The following COL8A1 variants were observed in gnomAD, a reference collection of about 807,000 sequenced individuals.
COL8A1 encodes collagen type VIII alpha 1 chain.
In COL8A1, 21 loss-of-function variants were observed where a neutral mutation model predicts 42.7. That is an observed-to-expected ratio of 0.49 (90% confidence interval 0.35 to 0.71). The LOEUF is 0.71. COL8A1 is among the 30% of genes least tolerant of loss of function. The probability of loss-of-function intolerance (pLI) is 0.01; values close to 1 mark genes in which losing one functional copy is unlikely to be tolerated. For synonymous variants in COL8A1, 367 were observed against 369.1 expected (o/e 0.99, Z 0.06); for missense variants, 788 against 962.4 (o/e 0.82, Z 2.40).
intron 2 of COL8A1, among the ~76,000 whole-genome samples, chr3:99,759,537 G>T (rs1344135471): frequency 1.3e-5 from 2 of 152,096 alleles, no homozygotes; most frequent in African/African-American, 4.8e-5. Flanking sequence ...TCAATATTTT[G>T]CTTGAAATGA....
At position 99,734,148 on chromosome 3, in the gene COL8A1, G is replaced by C. The variant is rs570601799; in HGVS notation, c.-128-10749G>C. Among the ~76,000 whole-genome samples the C allele has an allele frequency of 2.0e-5, 3 of 151,082 alleles. No homozygotes were observed. In the South Asian group the frequency reaches 6.3e-4, roughly 32 times the overall value. Reference sequence around the variant, plus strand: ...TCTTTTGCTGTGCAGAAGCTCTTTAGTTTAATTAGATCCCATTTGTCAATT... The same window carrying C: ...TCTTTTGCTGTGCAGAAGCTCTTTACTTTAATTAGATCCCATTTGTCAATT... On this transcript the variant is annotated intron_variant, in intron 1 of 3. Coordinates refer to ENST00000652472, the MANE Select transcript of COL8A1 (RefSeq NM_020351.4).
At chr3:99,707,651 C>T (rs746875461) in intron 1 of COL8A1, among the ~76,000 whole-genome samples, 5 of 152,164 alleles carry the variant, frequency 3.3e-5, no homozygotes, top group Admixed American at 6.5e-5. Flanking sequence ...ATTGGGCCCA[C>T]GCCCTGCCGA....
chr3:99,787,721 A>G (rs920207331), intron 2 of COL8A1, among the ~76,000 whole-genome samples: 9 of 152,226 alleles, frequency 5.9e-5, no homozygotes, highest in Non-Finnish European at 8.8e-5. Flanking sequence ...TGGCAGAGCC[A>G]AAACTTAAAT....
At chr3:99,751,171 A>G (rs1941141063) in intron 2 of COL8A1, among the ~76,000 whole-genome samples, 2 of 152,224 alleles carry the variant, frequency 1.3e-5, no homozygotes, top group Admixed American at 1.3e-4. Context: ...TCATTAAATC[A>G]TAAATCCACA....
At chr3:99,657,432 G>C (rs896947261) in intron 1 of COL8A1, among the ~76,000 whole-genome samples, 1 of 152,120 alleles carries the variant, frequency 6.6e-6, no homozygotes, top group African/African-American at 2.4e-5. Flanking sequence ...TAATAGTATT[G>C]TTACATTTCT....
At chr3:99,707,392 A>C (rs1939710066) in intron 1 of COL8A1, among the ~76,000 whole-genome samples, 1 of 152,278 alleles carries the variant, frequency 6.6e-6, no homozygotes, top group South Asian at 2.1e-4. Context: ...CTCACATCCA[A>C]CTAAAGAGCT....
chr3:99,654,292 T>A (rs919684645), intron 1 of COL8A1, among the ~76,000 whole-genome samples: 2 of 152,032 alleles, frequency 1.3e-5, no homozygotes, highest in Non-Finnish European at 1.5e-5. Context: ...CAAATGTTAA[T>A]CTCCTTTGGC....
intron 2 of COL8A1, among the ~76,000 whole-genome samples, chr3:99,762,571 G>T (rs1006294969): frequency 6.6e-6 from 1 of 152,146 alleles, no homozygotes; most frequent in Admixed American, 6.5e-5. Context: ...GACCACAACA[G>T]ATTTCACAGC....
intron 2 of COL8A1, among the ~76,000 whole-genome samples, chr3:99,787,870 A>ACACACACACC (rs1553682948): frequency 6.6e-6 from 1 of 151,316 alleles, no homozygotes; most frequent in Non-Finnish European, 1.5e-5. Context: ...ACACACACAC[A>ACACACACACC]CACACCCACA....
intron 1 of COL8A1, among the ~76,000 whole-genome samples, chr3:99,728,734 T>A (rs890655002): frequency 1.3e-5 from 2 of 151,986 alleles, no homozygotes; most frequent in African/African-American, 4.8e-5. Context: ...TATGAATGGA[T>A]CATCATGTAA....
chr3:99,696,692 C>T (rs6805314), intron 1 of COL8A1, among the ~76,000 whole-genome samples: 57 of 152,266 alleles, frequency 3.7e-4, no homozygotes, highest in Non-Finnish European at 7.1e-4. Context: ...CATCAGTCCC[C>T]GGGGTTACGC....
Position 99,795,726 on chromosome 3 carries a change from G to A in COL8A1, c.1825G>A (p.Gly609Arg), listed in dbSNP as rs868374775. The A allele has an allele frequency of 4.3e-6, 7 of 1,614,004 alleles. No homozygotes were observed. Among genetic ancestry groups the A allele is most frequent in the Non-Finnish European group, 5.9e-6 (7 of 1,180,014 alleles). The stretch of plus-strand genomic sequence containing the variant: ...CTACGGGGCTAAGAAAGGCAAGAAT[G>A]GAGGGCCAGCCTATGAGATGCCTGC... ...HAYGAKKGKN[G>R]GPAYEMPAFT... is the part of the protein sequence containing the mutation. Residue 609 changes from glycine (G) to arginine (R), a missense_variant, in exon 4 of 4, where the codon GGA (glycine) becomes AGA (arginine). By Grantham distance (125) the Gly-to-Arg change is moderately radical. Coordinates refer to ENST00000652472, the MANE Select transcript of COL8A1 (RefSeq NM_020351.4).
chr3:99,717,894 T>C (rs192085922), intron 1 of COL8A1, among the ~76,000 whole-genome samples: 10 of 152,200 alleles, frequency 6.6e-5, no homozygotes, highest in Admixed American at 6.6e-4. Flanking sequence ...TTCTTCTTGC[T>C]ATTCAAGGTT....
At chr3:99,668,395 CTTTT>C (rs1292571084) in intron 1 of COL8A1, among the ~76,000 whole-genome samples, 2 of 152,110 alleles carry the variant, frequency 1.3e-5, no homozygotes, top group African/African-American at 4.8e-5. Flanking sequence ...TTGGGGATTT[CTTTT>C]AAGTAAAGTC....
At chr3:99,723,647 T>A (rs1940219891) in intron 1 of COL8A1, among the ~76,000 whole-genome samples, 1 of 152,166 alleles carries the variant, frequency 6.6e-6, no homozygotes, top group Non-Finnish European at 1.5e-5. Context: ...ACAATTTTTA[T>A]TTTCCTTCTG....
At chr3:99,701,536 C>T (rs1188121849) in intron 1 of COL8A1, among the ~76,000 whole-genome samples, 1 of 152,148 alleles carries the variant, frequency 6.6e-6, no homozygotes. Context: ...ACCCCAGAGT[C>T]TGTAATACAA....
chr3:99,640,521 T>A (rs1937486806), intron 1 of COL8A1, among the ~76,000 whole-genome samples: 1 of 152,212 alleles, frequency 6.6e-6, no homozygotes, highest in African/African-American at 2.4e-5. Context: ...AGCTTCCAGT[T>A]ATTCCTAAGT....
chr3:99,736,749 C>A (rs1281611437), intron 1 of COL8A1, among the ~76,000 whole-genome samples: 1 of 151,652 alleles, frequency 6.6e-6, no homozygotes, highest in Non-Finnish European at 1.5e-5. Context: ...CTATTAGGTC[C>A]GCTTGGTGCA....
chr3:99,673,386 T>A (rs1280546865), intron 1 of COL8A1, among the ~76,000 whole-genome samples: 1 of 152,062 alleles, frequency 6.6e-6, no homozygotes, highest in Non-Finnish European at 1.5e-5. Context: ...CTCAAAAGAC[T>A]TTTCAGACTT....
Sources: allele counts gnomAD v4.1 joint callset (sites outside exome capture counted in the v4.1 genomes callset), GRCh38; gene constraint gnomAD v4.1.1; transcripts MANE v1.5; gene names NCBI Gene and HGNC (gene_info 2026-07-23, HGNC 2026-07-21).